Variants in ZNF654 observed in about 807,000 individuals in gnomAD.
ZNF654 encodes the protein melanoma-associated antigen.
ZNF654 carries 19 observed loss-of-function variants against 95.3 expected under a neutral mutation model. The ratio of observed to expected loss-of-function variants is 0.20; its 90% confidence interval spans 0.14 to 0.29. The LOEUF (loss-of-function observed/expected upper bound fraction) is 0.29, where lower values mean the gene tolerates loss of function less well. ZNF654 is among the 10% of genes least tolerant of loss of function. The probability of loss-of-function intolerance (pLI) is 1.00; values close to 1 mark genes in which losing one functional copy is unlikely to be tolerated. For missense variants in ZNF654, 1,046 were observed against 1,341.0 expected, an observed-to-expected ratio of 0.78 and a Z score of 3.44; for synonymous variants, 413 against 457.9, an observed-to-expected ratio of 0.90 and a Z score of 1.25.
intron 6 of ZNF654, among the ~76,000 whole-genome samples, chr3:88,130,046 A>G (rs1385305187): frequency 6.6e-6 from 1 of 152,236 alleles, no homozygotes; most frequent in Non-Finnish European, 1.5e-5. Context: ...GGGATGTGCT[A>G]TAATGAAACA....
intron 8 of ZNF654, 49 bp downstream of exon 8, chr3:88,141,097 G>A (rs1707100747): frequency 2.6e-6 from 4 of 1,524,596 alleles, no homozygotes; most frequent in Admixed American, 2.3e-5. Context: ...AGAGAAAATG[G>A]CATAAATAAA....
intron 4 of ZNF654, among the ~76,000 whole-genome samples, chr3:88,127,906 G>A (rs915047979): frequency 6.6e-6 from 1 of 152,122 alleles, no homozygotes; most frequent in African/African-American, 2.4e-5. Context: ...ACAAATCAGT[G>A]TTTGCATATC....
chr3:88,096,419 C>T (rs1296612721), intron 2 of ZNF654, among the ~76,000 whole-genome samples: 2 of 152,096 alleles, frequency 1.3e-5, no homozygotes, highest in Non-Finnish European at 2.9e-5. Flanking sequence ...GATCTTGAAG[C>T]AGAGGGGTAA....
intron 2 of ZNF654, among the ~76,000 whole-genome samples, chr3:88,109,842 CAT>C (rs770376426): frequency 2.6e-4 from 40 of 151,832 alleles, no homozygotes; most frequent in Non-Finnish European, 4.3e-4. Flanking sequence ...ATTGTAGAAA[CAT>C]ATTAAACATG....
chr3:88,066,831 A>G (rs1263232480), intron 1 of ZNF654, among the ~76,000 whole-genome samples: 1 of 152,236 alleles, frequency 6.6e-6, no homozygotes, highest in African/African-American at 2.4e-5. Context: ...AACCTGTAGT[A>G]AAATATGTGT....
At chr3:88,118,218 G>A (rs1705530363) in intron 3 of ZNF654, among the ~76,000 whole-genome samples, 1 of 152,078 alleles carries the variant, frequency 6.6e-6, no homozygotes, top group South Asian at 2.1e-4. Context: ...CTAGAAGTAG[G>A]CCTTAATAAA....
intron 1 of ZNF654, among the ~76,000 whole-genome samples, chr3:88,068,934 G>A (rs765054305): frequency 6.6e-6 from 1 of 152,036 alleles, no homozygotes; most frequent in Non-Finnish European, 1.5e-5. Flanking sequence ...CTAGGAATAA[G>A]CATTTGGTAT....
intron 7 of ZNF654, among the ~76,000 whole-genome samples, chr3:88,138,220 G>A (rs1045138213): frequency 2.0e-5 from 3 of 152,000 alleles, no homozygotes; most frequent in African/African-American, 7.2e-5. Flanking sequence ...AGCAAAATAA[G>A]TAATATTTTT....
At chr3:88,072,559 T>C (rs1012715818) in intron 1 of ZNF654, among the ~76,000 whole-genome samples, 3 of 152,222 alleles carry the variant, frequency 2.0e-5, no homozygotes, top group Admixed American at 6.5e-5. Context: ...TTCATTTGGA[T>C]ATTATATAGT....
intron 3 of ZNF654, among the ~76,000 whole-genome samples, chr3:88,122,714 A>G (rs1464032173): frequency 6.6e-6 from 1 of 152,094 alleles, no homozygotes; most frequent in African/African-American, 2.4e-5. Context: ...ATTCTAGAAA[A>G]ATACAATATG....
rs549133632 is a variant in ZNF654, at chr3:88,059,331, A to C, written c.12A>C (p.Glu4Asp). MAE[E>D]ESDQEAERLG... ...GCGGCGAGAGCCTCATGGCGGAGGA[A>C]GAGAGCGACCAAGAGGCCGAACGCC... The change falls in exon 1 of 9, where the codon GAA becomes GAC. Residue 4 changes from glutamate to aspartate, a missense_variant. Physicochemically the swap from Glu to Asp is conservative, Grantham distance 45. This residue lies in a region of ZNF654 where 89 missense variants were observed against 77.9 expected (regional missense o/e 1.14). Coordinates refer to ENST00000636215, the MANE Select transcript of ZNF654 (RefSeq NM_001350134.2). 3.8e-4 allele frequency: 584 copies of C among 1,534,092 alleles called. 6 individuals are homozygous for C. The South Asian group carries it at 4.3e-3, about 11-fold the overall frequency.
intron 1 of ZNF654, among the ~76,000 whole-genome samples, chr3:88,060,435 GGTTT>G (rs1376130468): frequency 6.6e-6 from 1 of 152,096 alleles, no homozygotes; most frequent in Non-Finnish European, 1.5e-5. Context: ...TAATTTAAAC[GGTTT>G]GTTCCCATTC....
intron 4 of ZNF654, among the ~76,000 whole-genome samples, chr3:88,127,385 T>C (rs1453140002): frequency 1.3e-5 from 2 of 151,764 alleles, no homozygotes; most frequent in Non-Finnish European, 2.9e-5. Context: ...GACAGTGTTA[T>C]GAAGAACCCA....
At chr3:88,083,941 T>TTTTATATATATATATATA (rs1479978285) in intron 1 of ZNF654, among the ~76,000 whole-genome samples, 3 of 147,698 alleles carry the variant, frequency 2.0e-5, no homozygotes, top group Non-Finnish European at 4.5e-5. Context: ...TGTACTTATT[T>TTTTATATATATATATATA]TATATATATA....
chr3:88,110,731 T>G (rs1457954617), intron 2 of ZNF654, among the ~76,000 whole-genome samples: 6 of 152,116 alleles, frequency 3.9e-5, no homozygotes, highest in African/African-American at 1.4e-4. Flanking sequence ...AGTTGACTAT[T>G]TATACAGTCA....
At chr3:88,128,120 A>G (rs1304052652) in intron 4 of ZNF654, among the ~76,000 whole-genome samples, 1 of 152,140 alleles carries the variant, frequency 6.6e-6, no homozygotes, top group Non-Finnish European at 1.5e-5. Context: ...CAGTTTTGCA[A>G]TCTATAAAGC....
chr3:88,066,158 T>G (rs773790561), intron 1 of ZNF654, among the ~76,000 whole-genome samples: 2 of 152,250 alleles, frequency 1.3e-5, no homozygotes, highest in Non-Finnish European at 2.9e-5. Context: ...AATAAACTTA[T>G]GAAAATCATT....
chr3:88,081,075 A>G (rs1413808392), intron 1 of ZNF654, among the ~76,000 whole-genome samples: 1 of 151,990 alleles, frequency 6.6e-6, no homozygotes, highest in African/African-American at 2.4e-5. Flanking sequence ...TTTGAAGAGC[A>G]CTGATCAGTT....
At chr3:88,097,231 A>G (rs1388931225) in intron 2 of ZNF654, among the ~76,000 whole-genome samples, 1 of 152,128 alleles carries the variant, frequency 6.6e-6, no homozygotes, top group Non-Finnish European at 1.5e-5. Flanking sequence ...ATCACTTATC[A>G]CACATTTATA....
Sources: allele counts gnomAD v4.1 joint callset (sites outside exome capture counted in the v4.1 genomes callset), GRCh38; gene constraint gnomAD v4.1.1; regional missense constraint gnomAD v4.1.1; transcripts MANE v1.5; gene names NCBI Gene and HGNC (gene_info 2026-07-23, HGNC 2026-07-21).